The following FAM168A variants were observed in gnomAD, a reference collection of about 807,000 sequenced individuals.
The protein encoded by FAM168A is protein FAM168A.
A neutral mutation model predicts 28.5 loss-of-function variants in FAM168A; 3 were observed. The ratio of observed to expected loss-of-function variants is 0.11; its 90% CI spans 0.05 to 0.27. FAM168A has a LOEUF of 0.27. FAM168A is among the 10% of genes least tolerant of loss of function. The pLI, the probability that FAM168A is intolerant of heterozygous loss-of-function variation, is 1.00. For missense variants in FAM168A, 222 were observed against 311.5 expected, an observed-to-expected ratio of 0.71 and a Z score of 2.16; for synonymous variants, 122 against 124.2, an observed-to-expected ratio of 0.98 and a Z score of 0.12.
At chr11:73,593,356 A>G (rs759768514) in intron 1 of FAM168A, among the ~76,000 whole-genome samples, 56 of 152,310 alleles carry the variant, frequency 3.7e-4, no homozygotes, top group Non-Finnish European at 7.8e-4. Flanking sequence ...ATATTTTACA[A>G]TTTAAAAAAA....
intron 3 of FAM168A, among the ~76,000 whole-genome samples, chr11:73,421,865 G>A (rs982670513): frequency 6.6e-6 from 1 of 152,214 alleles, no homozygotes; most frequent in African/African-American, 2.4e-5. Context: ...AGAGAATTTG[G>A]AGGTTCTCTT....
chr11:73,488,157 G>A (rs552655103), intron 1 of FAM168A, among the ~76,000 whole-genome samples: 2 of 149,674 alleles, frequency 1.3e-5, no homozygotes, highest in Admixed American at 1.3e-4. Flanking sequence ...TTTAGACGAA[G>A]TCTCACTCTA....
At chr11:73,468,594 C>A in intron 1 of FAM168A, 102 bp from the exon 2 acceptor site, 1 of 990,272 alleles carries the variant, frequency 1.0e-6, no homozygotes, top group Non-Finnish European at 1.5e-6. Flanking sequence ...AGGAAAGCAT[C>A]AGGGTGTAGT....
chr11:73,463,877 T>A lies in FAM168A; in HGVS notation c.70+4528A>T, dbSNP rs1867690240. 4.6e-5 allele frequency among the ~76,000 whole-genome samples: 7 copies of A among 152,246 alleles called. No individual in the cohort carries two copies. The South Asian group carries it at 1.5e-3, about 32-fold the overall frequency. ...ATTCATGAGAACAGTTAATAAGAAT[T>A]CTCTTTAGATGCTCTTCTTCAACCA... On this transcript the variant is annotated intron_variant, in intron 2 of 7. Transcript: ENST00000356467.
chr11:73,508,037 T>C (rs758195303), intron 1 of FAM168A, among the ~76,000 whole-genome samples: 7 of 152,190 alleles, frequency 4.6e-5, no homozygotes, highest in Non-Finnish European at 1.0e-4. Flanking sequence ...AATTGTGTAA[T>C]CTTGGGCATA....
chr11:73,497,454 CA>C (rs749266282), intron 1 of FAM168A, among the ~76,000 whole-genome samples: 336 of 138,428 alleles, frequency 2.4e-3, no homozygotes, highest in African/African-American at 3.3e-3. Flanking sequence ...TACCCCCCCT[CA>C]AAAAAAAAAA....
chr11:73,488,567 C>T (rs1055883887), intron 1 of FAM168A, among the ~76,000 whole-genome samples: 2 of 152,192 alleles, frequency 1.3e-5, no homozygotes, highest in African/African-American at 2.4e-5. Flanking sequence ...AATTAATCAT[C>T]GAAAAGAGAG....
At chr11:73,413,074 G>A (rs1866640827) in intron 4 of FAM168A, among the ~76,000 whole-genome samples, 1 of 152,010 alleles carries the variant, frequency 6.6e-6, no homozygotes, top group Non-Finnish European at 1.5e-5. Flanking sequence ...AAAGATCCTG[G>A]GTCTCTTCTA....
At chr11:73,531,950 G>A (rs762545395) in intron 1 of FAM168A, among the ~76,000 whole-genome samples, 6 of 148,250 alleles carry the variant, frequency 4.0e-5, no homozygotes, top group Non-Finnish European at 5.9e-5. Context: ...AACCACAGGC[G>A]CACACCATCA....
intron 1 of FAM168A, among the ~76,000 whole-genome samples, chr11:73,527,088 C>CTT (rs1422300299): frequency 2.0e-5 from 3 of 152,090 alleles, no homozygotes; most frequent in Admixed American, 2.0e-4. Context: ...ATCACACCTC[C>CTT]TTAAAGGACC....
chr11:73,560,906 C>T (rs1390870706), intron 1 of FAM168A, among the ~76,000 whole-genome samples: 1 of 151,384 alleles, frequency 6.6e-6, no homozygotes, highest in Non-Finnish European at 1.5e-5. Context: ...ACTAAAAATA[C>T]AAAAATTAGC....
chr11:73,479,898 TAGA>T (rs917654866), intron 1 of FAM168A, among the ~76,000 whole-genome samples: 1 of 152,216 alleles, frequency 6.6e-6, no homozygotes, highest in Admixed American at 6.5e-5. Flanking sequence ...AATTTCCCTT[TAGA>T]AAGTATTTCT....
At chr11:73,563,951 C>T (rs1331464972) in intron 1 of FAM168A, among the ~76,000 whole-genome samples, 1 of 152,184 alleles carries the variant, frequency 6.6e-6, no homozygotes, top group Non-Finnish European at 1.5e-5. Context: ...AGGCTCAATT[C>T]AGAGCTCAAA....
intron 1 of FAM168A, among the ~76,000 whole-genome samples, chr11:73,499,759 C>T (rs1021306676): frequency 5.3e-5 from 8 of 151,752 alleles, no homozygotes; most frequent in East Asian, 1.9e-4. Context: ...ATCAGCCAAG[C>T]GGAAGAAAGG....
chr11:73,574,644 C>A (rs1185167157), intron 1 of FAM168A, among the ~76,000 whole-genome samples: 34 of 151,592 alleles, frequency 2.2e-4, no homozygotes, highest in Admixed American at 2.2e-3. Flanking sequence ...CTCACTGCAA[C>A]CTCTGCCTTC....
chr11:73,580,143 C>A, intron 1 of FAM168A: 3 of 347,824 alleles, frequency 8.6e-6, no homozygotes, highest in East Asian at 7.5e-5. Context: ...AAGTAAAAAA[C>A]AAAAACCAGA....
At chr11:73,548,313 G>T (rs1943785463) in intron 1 of FAM168A, among the ~76,000 whole-genome samples, 1 of 141,368 alleles carries the variant, frequency 7.1e-6, no homozygotes, top group Non-Finnish European at 1.5e-5. Context: ...GAAGTAAGAT[G>T]ATAATAATAA....
chr11:73,427,336 TA>T (rs2134505963), intron 3 of FAM168A, among the ~76,000 whole-genome samples: 1 of 151,880 alleles, frequency 6.6e-6, no homozygotes, highest in South Asian at 2.1e-4. Context: ...AAAATCAAGT[TA>T]GATGAGGGCT....
chr11:73,456,580 T>C (rs1867536429), intron 2 of FAM168A, among the ~76,000 whole-genome samples: 1 of 152,248 alleles, frequency 6.6e-6, no homozygotes, highest in African/African-American at 2.4e-5. Flanking sequence ...TACTTTCTTT[T>C]ATGCAATGCT....
Sources: allele counts gnomAD v4.1 joint callset (sites outside exome capture counted in the v4.1 genomes callset), GRCh38; gene constraint gnomAD v4.1.1; transcripts MANE v1.5; gene names NCBI Gene and HGNC (gene_info 2026-07-23, HGNC 2026-07-21).